KCNQ1: variants seen among roughly 807,000 people sequenced by gnomAD.
KCNQ1 encodes potassium voltage-gated channel subfamily Q member 1, also known as potassium voltage-gated channel subfamily KQT member 1.
Under a neutral mutation model 72.4 loss-of-function variants are expected in KCNQ1, and 49 were observed. The observed-to-expected ratio is 0.68, with a 90% confidence interval of 0.54 to 0.86. The LOEUF (loss-of-function observed/expected upper bound fraction) is 0.86. KCNQ1 is among the 40% of genes least tolerant of loss of function. The pLI is 0.00. For missense variants in KCNQ1, 790 were observed against 945.1 expected (o/e 0.84, Z 2.15); for synonymous variants, 450 against 412.6 (o/e 1.09, Z -1.10).
At position 2,695,831 on chromosome 11, in the gene KCNQ1, T is replaced by C; in HGVS notation, c.1514+33750T>C. 1 of 398,656 alleles carries C rather than the reference T, an allele frequency of 2.5e-6. No homozygotes were observed. Among genetic ancestry groups the C allele is most frequent in the East Asian group, 3.6e-5 (1 of 28,084 alleles). The allele number at this position is 398,656 out of a possible 1,614,324, so 24.7% of individuals were successfully genotyped here. The stretch of plus-strand genomic sequence containing the variant: ...GTTGCTTTCATTTACATTTCTCTGA[T>C]AACTGATTAGCTTGGGCAAATTTTC... On this transcript the variant is annotated intron_variant, in intron 11 of 15. Transcript: ENST00000155840. The surrounding 1 kb of genome is among the most constrained non-coding windows in gnomAD (Gnocchi z 5.2).
At chr11:2,845,449 G>A (rs560045293) in intron 15 of KCNQ1, among the ~76,000 whole-genome samples, 1 of 152,328 alleles carries the variant, frequency 6.6e-6, no homozygotes, top group African/African-American at 2.4e-5. Flanking sequence ...GAGCACTGAA[G>A]TGCTGGCGGG....
At position 2,695,352 on chromosome 11, in the gene KCNQ1, G is replaced by A. The variant is rs1850655911; in HGVS notation, c.1514+33271G>A. ...ATTGTGTGTGTGTGTGTGCACTCACGAGCACTCCCTAGTACTGCGTGTCTG... is the reference window on the plus strand; with the variant it reads ...ATTGTGTGTGTGTGTGTGCACTCACAAGCACTCCCTAGTACTGCGTGTCTG... On this transcript the variant is annotated intron_variant, in intron 11 of 15. Coordinates refer to ENST00000155840, the MANE Select transcript of KCNQ1 (RefSeq NM_000218.3). This position sits in a 1 kb window ranked among gnomAD's most constrained non-coding sequence, Gnocchi z 5.2. 1.3e-5 allele frequency: 5 copies of A among 398,026 alleles called. No individual in the cohort carries two copies. The highest frequency in any genetic ancestry group is 1.3e-4 in the South Asian group (1 of 7,800). 24.7% of individuals were successfully genotyped at this position (398,026 alleles called of 1,614,324 possible).
At position 2,516,085 on chromosome 11, in the gene KCNQ1, C is replaced by T. The variant is rs1271053682; in HGVS notation, c.387-11843C>T. On this transcript the variant is annotated intron_variant, in intron 1 of 15. Transcript: ENST00000155840. This position sits in a 1 kb window ranked among gnomAD's most constrained non-coding sequence, Gnocchi z 7.0. ...ATCTCCCTGTGGAAGGCCAGGCTGC[C>T]TGGATGCCCACCACTCCAGGCTTAC... Among the ~76,000 whole-genome samples, 1 of 152,120 alleles carries T rather than the reference C, an allele frequency of 6.6e-6. No homozygotes were observed. The highest frequency in any genetic ancestry group is 1.9e-4 in the East Asian group (1 of 5,168).
At chr11:2,728,513 C>T (rs886151717) in intron 11 of KCNQ1, among the ~76,000 whole-genome samples, 10 of 152,230 alleles carry the variant, frequency 6.6e-5, no homozygotes, top group Non-Finnish European at 1.0e-4. Flanking sequence ...GCTAGCCTCC[C>T]GCCCACTAGG....
chr11:2,695,645 G>A lies in KCNQ1; in HGVS notation c.1514+33564G>A, dbSNP rs1470654686. The A allele has an allele frequency of 2.5e-6, 1 of 398,448 alleles. No homozygotes were observed. The highest frequency in any genetic ancestry group is 2.1e-5 in the African/African-American group (1 of 48,590). 24.7% of individuals were successfully genotyped at this position (398,448 alleles called of 1,614,324 possible). A position where few individuals can be genotyped will look rare whatever the true frequency, so the allele number is the denominator to read the frequency against. On this transcript the variant is annotated intron_variant, in intron 11 of 15. Transcript: ENST00000155840. This position sits in a 1 kb window ranked among gnomAD's most constrained non-coding sequence, Gnocchi z 5.2. ...TAGGAGGGAAACTGCTGGGCCACAG[G>A]TATAAAATATTTTATTTGAGGAAGA...
intron 2 of KCNQ1, among the ~76,000 whole-genome samples, chr11:2,552,760 T>C (rs942198505): frequency 2.0e-5 from 3 of 152,120 alleles, no homozygotes; most frequent in African/African-American, 7.2e-5. Context: ...GAACACGGTC[T>C]CGCTCCCCAG....
chr11:2,573,036 A>G, intron 6 of KCNQ1, 50 bp downstream of exon 6: 3 of 1,595,516 alleles, frequency 1.9e-6, no homozygotes, highest in Non-Finnish European at 2.6e-6. Context: ...CAGGCTGAGG[A>G]GTGGGCAGGA....
intron 15 of KCNQ1, among the ~76,000 whole-genome samples, 195 bp downstream of exon 15, chr11:2,778,232 T>G (rs1846748290): frequency 6.6e-6 from 1 of 152,204 alleles, no homozygotes; most frequent in Non-Finnish European, 1.5e-5. Flanking sequence ...TGGTCCCCCA[T>G]GGAAGGAGCC....
In KCNQ1 at chr11:2,624,643, A is replaced by G. The variant is rs1020904109; in HGVS notation, c.1393+35789A>G. On this transcript the variant is annotated intron_variant, in intron 10 of 15. Coordinates refer to ENST00000155840, the MANE Select transcript of KCNQ1 (RefSeq NM_000218.3). This position sits in a 1 kb window ranked among gnomAD's most constrained non-coding sequence, Gnocchi z 4.9. ...GTACAATTCAGTGAATGTATTAGAT[A>G]CGTTCACAATGCTGTGCAATCATCA... 10 of 398,620 alleles carry G rather than the reference A, an allele frequency of 2.5e-5. No homozygotes were observed. In the Admixed American group the frequency reaches 3.1e-4, roughly 12 times the overall value. 24.7% of individuals were successfully genotyped at this position (398,620 alleles called of 1,614,324 possible). A position where few individuals can be genotyped will look rare whatever the true frequency, so the allele number is the denominator to read the frequency against.
At chr11:2,680,764 C>CTTA (rs1229819781) in intron 11 of KCNQ1, 1 of 362,838 alleles carries the variant, frequency 2.8e-6, no homozygotes, top group Non-Finnish European at 4.9e-6. Flanking sequence ...AACTACTAAC[C>CTTA]TATTCTTCAT....
rs1440114035 is a variant in KCNQ1, at chr11:2,769,033, G to A, written c.1590+114G>A. On this transcript the variant is annotated intron_variant, in intron 12 of 15. Transcript: ENST00000155840. This position sits in a 1 kb window ranked among gnomAD's most constrained non-coding sequence, Gnocchi z 4.6. ...CATAGTGGAGGGTGTCAAGGCCTCC[G>A]CCCCCAAGCCACACAGGCAGGCCTA... 2.2e-5 allele frequency: 19 copies of A among 883,680 alleles called. No individual in the cohort carries two copies. Among genetic ancestry groups the A allele is most frequent in the Admixed American group, 7.8e-5 (4 of 51,126 alleles). The allele number at this position is 883,680 out of a possible 1,614,324, so 54.7% of individuals were successfully genotyped here.
rs939277098 is a variant in KCNQ1 at position 2,484,354 on chromosome 11, G to A, written c.386+38870G>A. ...AATATTTTGTATTTTTAGTGGAGACGGGGTTTCATCATGTTGGCCAGGCTG... is the reference window on the plus strand; with the variant it reads ...AATATTTTGTATTTTTAGTGGAGACAGGGTTTCATCATGTTGGCCAGGCTG... On this transcript the variant is annotated intron_variant, in intron 1 of 15. Coordinates refer to ENST00000155840, the MANE Select transcript of KCNQ1 (RefSeq NM_000218.3). This position sits in a 1 kb window ranked among gnomAD's most constrained non-coding sequence, Gnocchi z 5.2. Among the ~76,000 whole-genome samples, 8 of 152,198 alleles carry A rather than the reference G, an allele frequency of 5.3e-5. No homozygotes were observed. The highest frequency in any genetic ancestry group is 3.3e-4 in the Admixed American group (5 of 15,294).
chr11:2,665,074 G>C, intron 11 of KCNQ1: 1 of 398,508 alleles, frequency 2.5e-6, no homozygotes, highest in Non-Finnish European at 4.4e-6. Flanking sequence ...ACAAGCTGAG[G>C]CACGGGGTAC....
rs1846943931 is a variant in KCNQ1, at chr11:2,787,979, G to A, written c.1794+9942G>A. On this transcript the variant is annotated intron_variant, in intron 15 of 15. Transcript: ENST00000155840. The surrounding 1 kb of genome is among the most constrained non-coding windows in gnomAD (Gnocchi z 6.3). The stretch of plus-strand genomic sequence containing the variant: ...CTATGGGACAGCGCTGCTTTGGACG[G>A]GCATGGCCGTGCGCGCGTGTGGGGA... Among the ~76,000 whole-genome samples the A allele has an allele frequency of 2.0e-5, 3 of 152,168 alleles. No homozygotes were observed.
chr11:2,839,098 C>T (rs1249143887), intron 15 of KCNQ1, among the ~76,000 whole-genome samples: 1 of 152,196 alleles, frequency 6.6e-6, no homozygotes, highest in Non-Finnish European at 1.5e-5. Context: ...CGGCAGGAAG[C>T]TCCTGAGGCC....
chr11:2,590,113 G>A (rs539444485), intron 10 of KCNQ1, among the ~76,000 whole-genome samples: 2 of 152,196 alleles, frequency 1.3e-5, no homozygotes, highest in Non-Finnish European at 2.9e-5. Context: ...AAAACCAAAT[G>A]TGAAGGATTC....
rs577435170 is a variant in KCNQ1 at position 2,655,825 on chromosome 11, G to A, written c.1394-6136G>A. ...CCCACAGTCTCCAACACACAAGCCA[G>A]CAGACAATAACCTCTCCTCTTGAAT... On this transcript the variant is annotated intron_variant, in intron 10 of 15. Coordinates refer to ENST00000155840, the MANE Select transcript of KCNQ1 (RefSeq NM_000218.3). 1.4e-3 allele frequency: 553 copies of A among 398,640 alleles called. 1 individual carries two copies. The highest frequency in any genetic ancestry group is 9.8e-3 in the African/African-American group (476 of 48,718). The allele number at this position is 398,640 out of a possible 1,614,324, so 24.7% of individuals were successfully genotyped here.
rs764527977 is a variant in KCNQ1, at chr11:2,664,250, G to A, written c.1514+2169G>A. 1 of 399,078 alleles carries A rather than the reference G, an allele frequency of 2.5e-6. No homozygotes were observed. The allele number at this position is 399,078 out of a possible 1,614,324, so 24.7% of individuals were successfully genotyped here. On this transcript the variant is annotated intron_variant, in intron 11 of 15. Transcript: ENST00000155840. This position sits in a 1 kb window ranked among gnomAD's most constrained non-coding sequence, Gnocchi z 5.1. ...GGTGAGGGATCTGAAGAGGGGACTG[G>A]GAGAGGGAAAAACAAGGAGGTTGCT...
rs770438511 is a variant in KCNQ1 at position 2,620,436 on chromosome 11, G to A, written c.1393+31582G>A. 9.1e-5 allele frequency: 25 copies of A among 274,658 alleles called. No individual in the cohort carries two copies. The highest frequency in any genetic ancestry group is 1.6e-4 in the Admixed American group (3 of 18,782). The allele number at this position is 274,658 out of a possible 1,614,324, so 17.0% of individuals were successfully genotyped here. ...TTTCCATGTTGGTCAGGCTGGTCTC[G>A]AACTCCTGACCTCAGGTGATCCACC... On this transcript the variant is annotated intron_variant, in intron 10 of 15. Transcript: ENST00000155840. This position sits in a 1 kb window ranked among gnomAD's most constrained non-coding sequence, Gnocchi z 4.5.
Sources: gnomAD v4.1 joint callset for allele counts (sites outside exome capture counted in the v4.1 genomes callset) on GRCh38, gnomAD v4.1.1 for gene constraint, Gnocchi (gnomAD v3.1) non-coding constraint, MANE v1.5 for transcripts, NCBI Gene and HGNC (gene_info 2026-07-23, HGNC 2026-07-21) for gene names.